The following TGM4 variants were observed in gnomAD, a reference collection of about 807,000 sequenced individuals.
TGM4 encodes the protein protein-glutamine gamma-glutamyltransferase 4.
TGM4 carries 61 observed loss-of-function variants against 76.3 expected under a neutral mutation model. The observed-to-expected ratio is 0.80, with a 90% CI of 0.65 to 0.99. TGM4 has a LOEUF of 0.99. Ranked by LOEUF, TGM4 falls within the 50% of genes least tolerant of loss-of-function variation. The pLI is 0.00. For missense variants in TGM4, 794 were observed against 843.2 expected (o/e 0.94, Z 0.72); for synonymous variants, 337 against 329.8 (o/e 1.02, Z -0.24).
chr3:44,888,138 G>T, intron 3 of TGM4: 1 of 259,012 alleles, frequency 3.9e-6, no homozygotes, highest in Non-Finnish European at 7.4e-6. Context: ...GGCTTTTTCT[G>T]TGTCATGGTC....
intron 4 of TGM4, 23 bp downstream of exon 4, chr3:44,890,755 T>A: frequency 1.9e-6 from 3 of 1,612,698 alleles, no homozygotes; most frequent in Non-Finnish European, 2.5e-6. Flanking sequence ...TCAGGTCTGC[T>A]GGGGAATGGC....
rs778187032 is a variant in TGM4 at position 44,913,868 on chromosome 3, A to G, written c.*143A>G. On this transcript the variant is annotated 3_prime_UTR_variant, in exon 14 of 14. Coordinates refer to ENST00000296125, the MANE Select transcript of TGM4 (RefSeq NM_003241.4). The stretch of plus-strand genomic sequence containing the variant: ...GCAGGTCAAAAAGGCCAACACAACC[A>G]TAAGCAGCCAGACCCACAAGGCCAG... 7 of 1,170,108 alleles carry G rather than the reference A, an allele frequency of 6.0e-6. No individual in the cohort carries two copies. The East Asian group carries it at 7.3e-5, about 12-fold the overall frequency. The allele number at this position is 1,170,108 out of a possible 1,614,324, so 72.5% of individuals were successfully genotyped here. A position where few individuals can be genotyped will look rare whatever the true frequency, so the allele number is the denominator to read the frequency against.
intron 4 of TGM4, among the ~76,000 whole-genome samples, chr3:44,892,578 T>A (rs1221802640): frequency 1.3e-5 from 2 of 151,772 alleles, no homozygotes. Flanking sequence ...GCCATGTTGG[T>A]CAGGCTGGTC....
chr3:44,898,806 G>A (rs1174148370), intron 6 of TGM4, among the ~76,000 whole-genome samples: 2 of 152,120 alleles, frequency 1.3e-5, no homozygotes, highest in Admixed American at 6.5e-5. Context: ...GGGCCCTCAC[G>A]CTGACTCTCT....
chr3:44,903,689 T>G (rs1699884156), intron 8 of TGM4, 195 bp from the exon 9 acceptor site: 2 of 598,668 alleles, frequency 3.3e-6, no homozygotes, highest in East Asian at 5.7e-5. Flanking sequence ...CTCTGTGCCC[T>G]GGGAGGCTTT....
intron 8 of TGM4, 142 bp downstream of exon 8, chr3:44,902,073 G>A: frequency 9.2e-7 from 1 of 1,081,802 alleles, no homozygotes. Context: ...AGCCTCCCAG[G>A]TAGCTGTGAT....
chr3:44,893,527 C>G, intron 4 of TGM4, 50 bp from the exon 5 acceptor site: 1 of 1,536,900 alleles, frequency 6.5e-7, no homozygotes, highest in Non-Finnish European at 9.0e-7. Context: ...CAAGCCTGCT[C>G]CTGTCCCAGG....
chr3:44,896,395 G>A (rs948674956), intron 5 of TGM4, among the ~76,000 whole-genome samples: 1 of 152,212 alleles, frequency 6.6e-6, no homozygotes, highest in Non-Finnish European at 1.5e-5. Flanking sequence ...ACAGGCGTGA[G>A]CCACCGCACC....
Position 44,911,699 on chromosome 3 carries a change from C to G in TGM4, c.1913+293C>G, listed in dbSNP as rs1575729347. Among the ~76,000 whole-genome samples the G allele has an allele frequency of 3.9e-5, 6 of 152,268 alleles. 1 individual carries two copies. Among genetic ancestry groups the G allele is most frequent in the African/African-American group, 1.4e-4 (6 of 41,546 alleles). ...TAATTGACTCTCTCCTGTGAATTGC[C>G]TGTTCCTAACTTTTGTCCATTTTTC... is the stretch of plus-strand genomic sequence containing the variant. On this transcript the variant is annotated intron_variant, in intron 13 of 13. Coordinates refer to ENST00000296125, the MANE Select transcript of TGM4 (RefSeq NM_003241.4).
chr3:44,892,305 T>C (rs1215751717), intron 4 of TGM4, among the ~76,000 whole-genome samples: 1 of 151,244 alleles, frequency 6.6e-6, no homozygotes, highest in Admixed American at 6.6e-5. Flanking sequence ...AAAAAATAAG[T>C]GTTAGCATAA....
chr3:44,913,939 A>G lies in TGM4; in HGVS notation c.*214A>G. On this transcript the variant is annotated 3_prime_UTR_variant, in exon 14 of 14. Transcript: ENST00000296125. ...CACCTCTTTTACAGTTAGAAACACC[A>G]GCCGAGGCCACAGAATCCCATCCCT... The G allele has an allele frequency of 2.0e-6, 1 of 511,676 alleles. No homozygotes were observed. The highest frequency in any genetic ancestry group is 3.3e-6 in the Non-Finnish European group (1 of 301,022). 31.7% of individuals were successfully genotyped at this position (511,676 alleles called of 1,614,324 possible).
At chr3:44,887,555 G>A in intron 2 of TGM4, 134 bp from the exon 3 acceptor site, 1 of 718,114 alleles carries the variant, frequency 1.4e-6, no homozygotes. Context: ...AGAGGGGCTG[G>A]AGCCAGGGGA....
rs750474587 is a variant in TGM4, at chr3:44,893,743, C to T, written c.549+48C>T. ...CTGCACCAGGCCCCATCTGCTAGAC[C>T]ACCCTTTTAGCTGGGTAGTAGTCAG... On this transcript the variant is annotated intron_variant, in intron 5 of 13. Transcript: ENST00000296125. 12 of 1,507,114 alleles carry T rather than the reference C, an allele frequency of 8.0e-6. No homozygotes were observed. The East Asian group carries it at 2.5e-4, about 31-fold the overall frequency. The allele number at this position is 1,507,114 out of a possible 1,614,324, so 93.4% of individuals were successfully genotyped here.
chr3:44,903,664 GC>G (rs925350334), intron 8 of TGM4: 7 of 563,086 alleles, frequency 1.2e-5, no homozygotes, highest in Non-Finnish European at 2.2e-5. Flanking sequence ...CCCCAGCCCT[GC>G]CCCCTGCACA....
chr3:44,913,839 G>C lies in TGM4; in HGVS notation c.*114G>C. The C allele has an allele frequency of 6.9e-7, 1 of 1,451,124 alleles. No homozygotes were observed. The highest frequency in any genetic ancestry group is 1.4e-5 in the African/African-American group (1 of 70,306). 89.9% of individuals were successfully genotyped at this position (1,451,124 alleles called of 1,614,324 possible). A position where few individuals can be genotyped will look rare whatever the true frequency, so the allele number is the denominator to read the frequency against. On this transcript the variant is annotated 3_prime_UTR_variant, in exon 14 of 14. Transcript: ENST00000296125. ...GACTTATATGAGGGCAGATTCAAGA[G>C]CCAGCAGGTCAAAAAGGCCAACACA... is the stretch of plus-strand genomic sequence containing the variant.
At chr3:44,881,165 C>G (rs896930437) in intron 1 of TGM4, among the ~76,000 whole-genome samples, 2 of 151,524 alleles carry the variant, frequency 1.3e-5, no homozygotes, top group South Asian at 2.1e-4. Flanking sequence ...GTTCACACCA[C>G]GGCACTCCAG....
intron 1 of TGM4, among the ~76,000 whole-genome samples, chr3:44,883,021 A>G (rs1174692438): frequency 6.6e-6 from 1 of 152,190 alleles, no homozygotes; most frequent in East Asian, 1.9e-4. Flanking sequence ...TCCTGGTACC[A>G]AAACCTATAC....
rs573740145 is a variant in TGM4 at position 44,905,041 on chromosome 3, A to C, written c.1075+1054A>C. Reference sequence around the variant, plus strand: ...CTCTTGTTACCCAGGCTGGAGTGCAATGGTGCAATCTTGGCTCACTGCAAC... The same window carrying C: ...CTCTTGTTACCCAGGCTGGAGTGCACTGGTGCAATCTTGGCTCACTGCAAC... On this transcript the variant is annotated intron_variant, in intron 9 of 13. Coordinates refer to ENST00000296125, the MANE Select transcript of TGM4 (RefSeq NM_003241.4). Among the ~76,000 whole-genome samples, 6 of 147,180 alleles carry C rather than the reference A, an allele frequency of 4.1e-5. No individual in the cohort carries two copies. In the East Asian group the frequency reaches 8.2e-4, roughly 20 times the overall value.
At chr3:44,893,267 C>G (rs567690026) in intron 4 of TGM4, among the ~76,000 whole-genome samples, 3 of 152,320 alleles carry the variant, frequency 2.0e-5, no homozygotes, top group Admixed American at 2.0e-4. Flanking sequence ...TCCCTTCACT[C>G]CCATCTACCT....
Sources: allele counts gnomAD v4.1 joint callset (sites outside exome capture counted in the v4.1 genomes callset), GRCh38; gene constraint gnomAD v4.1.1; transcripts MANE v1.5; gene names NCBI Gene and HGNC (gene_info 2026-07-23, HGNC 2026-07-21).